Variants in ATG4C observed in about 807,000 individuals in gnomAD.
The protein encoded by ATG4C is cysteine protease ATG4C.
ATG4C carries 56 observed loss-of-function variants against 57.6 expected under a neutral mutation model. That is an observed-to-expected ratio of 0.97 (90% CI 0.78 to 1.21). The LOEUF is 1.21. Ranked by LOEUF, ATG4C falls within the 50% of genes most tolerant of loss-of-function variation. ATG4C has a pLI of 0.00. For missense variants in ATG4C, 595 were observed against 529.8 expected (o/e 1.12, Z -1.21); for synonymous variants, 157 against 174.1 (o/e 0.90, Z 0.78).
Position 62,864,329 on chromosome 1 carries a change from G to C in ATG4C, c.*170G>C. The C allele has an allele frequency of 1.9e-6, 1 of 532,440 alleles. No homozygotes were observed. The highest frequency in any genetic ancestry group is 4.1e-5 in the Admixed American group (1 of 24,338). The allele number at this position is 532,440 out of a possible 1,614,324, so 33.0% of individuals were successfully genotyped here. ...AAAGATATTTTTCTAAAAGAGAAAT[G>C]ATTTAATGAATCTTGCTTTCTAATA... On this transcript the variant is annotated 3_prime_UTR_variant, in exon 11 of 11. Coordinates refer to ENST00000317868, the MANE Select transcript of ATG4C (RefSeq NM_032852.4).
chr1:62,788,430 T>TACAC (rs10671530), intron 1 of ATG4C, among the ~76,000 whole-genome samples: 4,752 of 146,494 alleles, frequency 0.032, 208 homozygotes, highest in African/African-American at 0.1. Flanking sequence ...TCTCTATAAA[T>TACAC]ACACACACAC....
intron 1 of ATG4C, among the ~76,000 whole-genome samples, chr1:62,786,849 A>G (rs1343682440): frequency 6.6e-6 from 1 of 152,192 alleles, no homozygotes; most frequent in Non-Finnish European, 1.5e-5. Flanking sequence ...AGAACTGATT[A>G]CAGAGGGGAT....
chr1:62,834,754 G>T (rs1463633233), intron 8 of ATG4C, 22 bp from the exon 9 acceptor site: 2 of 1,590,838 alleles, frequency 1.3e-6, no homozygotes, highest in South Asian at 2.2e-5. Flanking sequence ...TGAATTACTT[G>T]TCTTCTGTTT....
intron 1 of ATG4C, among the ~76,000 whole-genome samples, chr1:62,790,065 C>A (rs1664225299): frequency 2.0e-5 from 3 of 152,040 alleles, no homozygotes; most frequent in Admixed American, 1.3e-4. Flanking sequence ...CAGATATGTG[C>A]CACCACACCC....
chr1:62,842,299 G>A (rs903772619), intron 10 of ATG4C, among the ~76,000 whole-genome samples: 3 of 132,256 alleles, frequency 2.3e-5, no homozygotes, highest in African/African-American at 8.5e-5. Flanking sequence ...TCATTTTTGG[G>A]AATTTTTTTT....
intron 2 of ATG4C, among the ~76,000 whole-genome samples, chr1:62,804,544 C>G (rs764797132): frequency 2.6e-5 from 4 of 151,916 alleles, no homozygotes; most frequent in African/African-American, 4.8e-5. Context: ...CATCTCTGTG[C>G]CAGGAAATAA....
At chr1:62,830,601 G>A (rs1459873826) in intron 7 of ATG4C, among the ~76,000 whole-genome samples, 1 of 152,070 alleles carries the variant, frequency 6.6e-6, no homozygotes, top group Non-Finnish European at 1.5e-5. Context: ...TTAATAGCTT[G>A]ACCATGGTTT....
chr1:62,832,151 T>C (rs1024799071), intron 7 of ATG4C, among the ~76,000 whole-genome samples: 1 of 151,794 alleles, frequency 6.6e-6, no homozygotes, highest in African/African-American at 2.4e-5. Context: ...TTTGTCTTTA[T>C]TTTTAGTTAG....
rs578126859 is a variant in ATG4C, at chr1:62,850,842, G to GTGTA, written c.1209+9298_1209+9299insATGT. Among the ~76,000 whole-genome samples, 120 of 53,036 alleles carry GTGTA rather than the reference G, an allele frequency of 2.3e-3. 1 individual carries two copies. The highest frequency in any genetic ancestry group is 3.8e-3 in the South Asian group (6 of 1,594). The allele number at this position is 53,036 out of a possible 152,430, so 34.8% of individuals were successfully genotyped here. On this transcript the variant is annotated intron_variant, in intron 10 of 10. Transcript: ENST00000317868. Reference sequence around the variant, plus strand: ...ATTCTGCTGTATCATGTATGTATGTGTGTGTATGTATGTATATATATATAT... The same window carrying GTGTA: ...ATTCTGCTGTATCATGTATGTATGTGTGTATGTGTATGTATGTATATATATATAT...
At chr1:62,815,812 G>A (rs1443030581) in intron 3 of ATG4C, among the ~76,000 whole-genome samples, 1 of 152,308 alleles carries the variant, frequency 6.6e-6, no homozygotes, top group African/African-American at 2.4e-5. Flanking sequence ...AGCCTCTCGA[G>A]TAGCTGGGAC....
Position 62,821,177 on chromosome 1 carries a change from G to C in ATG4C, c.764G>C (p.Gly255Ala), listed in dbSNP as rs755442365. ...GAAGCAAGGCATCCTGATTTACAAG[G>C]AATAACTATTTATGTTGCACAAGAT... is the stretch of plus-strand genomic sequence containing the variant. ...VEEARHPDLQ[G>A]ITIYVAQDCT... is the part of the protein sequence containing the mutation. The change falls in exon 6 of 11, where the codon GGA becomes GCA. Residue 255 changes from glycine to alanine, a missense_variant. Coordinates refer to ENST00000317868, the MANE Select transcript of ATG4C (RefSeq NM_032852.4). 1.2e-6 allele frequency: 2 copies of C among 1,601,100 alleles called. No homozygotes were observed.
At chr1:62,844,639 T>A (rs1666274308) in intron 10 of ATG4C, among the ~76,000 whole-genome samples, 1 of 152,044 alleles carries the variant, frequency 6.6e-6, no homozygotes, top group South Asian at 2.1e-4. Flanking sequence ...TACCCATGTG[T>A]TACCACTGAG....
chr1:62,809,368 T>C (rs1158484894), intron 3 of ATG4C, among the ~76,000 whole-genome samples: 2 of 148,572 alleles, frequency 1.3e-5, no homozygotes, highest in Admixed American at 6.8e-5. Context: ...ATAATAAATA[T>C]ATGTACATTA....
chr1:62,846,468 C>T (rs574999197), intron 10 of ATG4C, among the ~76,000 whole-genome samples: 5 of 152,222 alleles, frequency 3.3e-5, no homozygotes, highest in African/African-American at 7.2e-5. Flanking sequence ...AGTCCAAGAT[C>T]GTATCTTTAG....
In ATG4C at chr1:62,803,783, G is replaced by A. The variant is rs1210635791; in HGVS notation, c.-4G>A. ...AGTGATGGCTTTTCCTTTAGAATTT[G>A]AATATGGAGGCTACAGGAACAGATG... On this transcript the variant is annotated 5_prime_UTR_variant, in exon 2 of 11. It removes the in-frame stop codon of an upstream open reading frame in the 5' UTR. Transcript: ENST00000317868. 1 of 1,593,536 alleles carries A rather than the reference G, an allele frequency of 6.3e-7. No individual in the cohort carries two copies. The highest frequency in any genetic ancestry group is 1.1e-5 in the South Asian group (1 of 88,204).
intron 9 of ATG4C, among the ~76,000 whole-genome samples, chr1:62,840,458 A>G (rs1475014630): frequency 6.6e-6 from 1 of 152,228 alleles, no homozygotes; most frequent in African/African-American, 2.4e-5. Flanking sequence ...AAATATGAAT[A>G]TACAGTCTTA....
At chr1:62,861,626 C>CACACACAG (rs1016485122) in intron 10 of ATG4C, among the ~76,000 whole-genome samples, 2 of 29,322 alleles carry the variant, frequency 6.8e-5, no homozygotes, top group African/African-American at 8.7e-5. Flanking sequence ...CACACACACA[C>CACACACAG]AGAGAGACAC....
chr1:62,828,911 C>T, intron 6 of ATG4C, 129 bp from the exon 7 acceptor site: 1 of 789,348 alleles, frequency 1.3e-6, no homozygotes, highest in Non-Finnish European at 2.0e-6. Flanking sequence ...CTTACTAAGA[C>T]ATTTCTGGTG....
At chr1:62,827,020 G>T (rs956819251) in intron 6 of ATG4C, among the ~76,000 whole-genome samples, 3 of 152,096 alleles carry the variant, frequency 2.0e-5, no homozygotes, top group Non-Finnish European at 2.9e-5. Flanking sequence ...GAATAAAAAA[G>T]TTGCTACTCC....
Sources: gnomAD v4.1 joint callset for allele counts (sites outside exome capture counted in the v4.1 genomes callset) on GRCh38, gnomAD v4.1.1 for gene constraint, MANE v1.5 for transcripts, NCBI Gene and HGNC (gene_info 2026-07-23, HGNC 2026-07-21) for gene names.